Variants in ABCD4 observed in about 807,000 individuals in gnomAD.
The protein encoded by ABCD4 is ATP binding cassette subfamily D member 4, also known as lysosomal cobalamin transporter ABCD4.
In ABCD4, 53 loss-of-function variants were observed where a neutral mutation model predicts 86.3. The ratio of observed to expected loss-of-function variants is 0.61; its 90% confidence interval spans 0.49 to 0.77. The LOEUF is 0.77. Among genes scored for constraint, ABCD4 ranks in the 30% least tolerant of loss-of-function variants. The pLI is 0.00. For missense variants in ABCD4, 757 were observed against 764.5 expected (o/e 0.99, Z 0.12); for synonymous variants, 328 against 313.6 (o/e 1.05, Z -0.49).
rs769704420 is a variant in ABCD4, at chr14:74,290,099, CG to C, written c.1346del (p.Thr449ArgfsTer26). 22 of 1,613,978 alleles carry C rather than the reference CG, an allele frequency of 1.4e-5. No homozygotes were observed. Among genetic ancestry groups the C allele is most frequent in the Non-Finnish European group, 1.9e-5 (22 of 1,180,018 alleles). ...TSTRGSVQMLTDFGPHGVLFL... is the reference protein window; with the variant it reads ...TSTRGSVQMLXDFGPHGVLFL... The stretch of plus-strand genomic sequence containing the variant: ...ATAGCACCCCATGGGGCCCAAAGTC[CG>C]TCAGCATCTGCACTGAGCCTGCAGA... On this transcript the variant is annotated frameshift_variant, in exon 13 of 19. Coordinates refer to ENST00000356924, the MANE Select transcript of ABCD4 (RefSeq NM_005050.4). LOFTEE classifies it high-confidence loss of function.
intron 3 of ABCD4, chr14:74,299,324 T>C: frequency 2.0e-6 from 1 of 494,934 alleles, no homozygotes; most frequent in Non-Finnish European, 3.6e-6. Context: ...CCAGAACCTG[T>C]GGCCTGGGCC....
At chr14:74,296,618 A>C in intron 4 of ABCD4, 169 bp from the exon 5 acceptor site, 3 of 595,984 alleles carry the variant, frequency 5.0e-6, no homozygotes, top group Non-Finnish European at 3.0e-6. Flanking sequence ...GGGCAACTAA[A>C]TCCCAGGGCC....
rs752856909 is a variant in ABCD4 at position 74,296,463 on chromosome 14, C to T, written c.426-14G>A. On this transcript the variant is annotated splice_polypyrimidine_tract_variant and intron_variant, in intron 4 of 18. Transcript: ENST00000356924. ...ATGCGCTGGTCCCTGGAGCCAATGA[C>T]ACAGAGTAGCTGGACCCAGGGAGAT... 4 of 1,613,408 alleles carry T rather than the reference C, an allele frequency of 2.5e-6. No homozygotes were observed. Among genetic ancestry groups the T allele is most frequent in the Non-Finnish European group, 3.4e-6 (4 of 1,179,664 alleles).
chr14:74,298,118 T>C (rs1172744156), intron 3 of ABCD4, 49 bp from the exon 4 acceptor site: 3 of 1,598,758 alleles, frequency 1.9e-6, no homozygotes, highest in Non-Finnish European at 2.6e-6. Flanking sequence ...TTCCTGAAAA[T>C]CTCAGCTCAA....
chr14:74,293,197 AAGG>A lies in ABCD4; in HGVS notation c.768_770del (p.Leu257del), dbSNP rs1175258171. ...TGGACATCAGCTCCCTCTGGGTCTG[AAGG>A]AGTCTCTGCAGCCTGCGGTCTGTCC... On this transcript the variant is annotated inframe_deletion, in exon 8 of 19. Coordinates refer to ENST00000356924, the MANE Select transcript of ABCD4 (RefSeq NM_005050.4). The A allele has an allele frequency of 1.2e-6, 2 of 1,614,040 alleles. No individual in the cohort carries two copies. Among genetic ancestry groups the A allele is most frequent in the African/African-American group, 2.7e-5 (2 of 74,914 alleles).
chr14:74,299,431 G>GGAGGAAACACACCCCCACAGCTT, intron 3 of ABCD4, 117 bp downstream of exon 3: 1 of 1,319,648 alleles, frequency 7.6e-7, no homozygotes, highest in South Asian at 1.4e-5. Flanking sequence ...CCCAGAAAAG[G>GGAGGAAACACACCCCCACAGCTT]GAGGAAACAC....
intron 1 of ABCD4, among the ~76,000 whole-genome samples, chr14:74,302,254 C>T (rs2084797700): frequency 6.6e-6 from 1 of 152,136 alleles, no homozygotes; most frequent in Non-Finnish European, 1.5e-5. Flanking sequence ...GCACACAGCA[C>T]CCCTCATGCA....
intron 7 of ABCD4, chr14:74,294,828 C>T (rs1250440111): frequency 2.8e-6 from 1 of 362,498 alleles, no homozygotes; most frequent in African/African-American, 2.1e-5. Flanking sequence ...TCTTAACAGA[C>T]AGAAGAGCAG....
chr14:74,296,226 G>A (rs1419398274), intron 5 of ABCD4, 107 bp downstream of exon 5: 1 of 1,238,370 alleles, frequency 8.1e-7, no homozygotes, highest in Non-Finnish European at 1.2e-6. Context: ...CACGTGGTAA[G>A]GTACGGTGGG....
chr14:74,286,733 T>A lies in ABCD4; in HGVS notation c.1720A>T (p.Ile574Phe). Residue 574 changes from isoleucine (I) to phenylalanine (F), a missense_variant, in exon 18 of 19, where the codon ATC (isoleucine) becomes TTC (phenylalanine). Coordinates refer to ENST00000356924, the MANE Select transcript of ABCD4 (RefSeq NM_005050.4). Reference protein sequence around the residue: ...RIGQQLGMTFISVGHRQSLEK... With the variant: ...RIGQQLGMTFFSVGHRQSLEK... The stretch of plus-strand genomic sequence containing the variant: ...AGGCTCTGCCGATGTCCCACACTGA[T>A]GAACGTCATCCCCAGCTGCTGGCCG... The A allele has an allele frequency of 1.9e-6, 3 of 1,614,142 alleles. No homozygotes were observed.
In ABCD4 at chr14:74,290,425, G is replaced by A. The variant is rs779680204; in HGVS notation, c.1193C>T (p.Ser398Phe). Residue 398 changes from serine to phenylalanine, a missense_variant, in exon 12 of 19, where the codon TCC becomes TTC. Coordinates refer to ENST00000356924, the MANE Select transcript of ABCD4 (RefSeq NM_005050.4). Reference protein sequence around the residue: ...LLERVSISAPSSDKPLIKDLS... With the variant: ...LLERVSISAPFSDKPLIKDLS... ...ATCCTTGATTAGGGGTTTGTCAGAG[G>A]AGGGGGCAGAGATGGAGACCCGCTC... 37 of 1,614,020 alleles carry A rather than the reference G, an allele frequency of 2.3e-5. No homozygotes were observed. Among genetic ancestry groups the A allele is most frequent in the Non-Finnish European group, 3.1e-5 (36 of 1,180,044 alleles).
intron 15 of ABCD4, 177 bp from the exon 16 acceptor site, chr14:74,288,436 T>C: frequency 1.5e-6 from 1 of 673,164 alleles, no homozygotes; most frequent in South Asian, 1.9e-5. Flanking sequence ...AGAGGAATAT[T>C]CTACCAATGA....
rs763946947 is a variant in ABCD4 at position 74,287,780 on chromosome 14, G to A, written c.1636+30C>T. ...ACACCCGTGAGTGCAGACAGCGCAT[G>A]GCATGTGCAGCCACAAGGCGAGACC... On this transcript the variant is annotated intron_variant, in intron 17 of 18. Transcript: ENST00000356924. 3 of 1,590,430 alleles carry A rather than the reference G, an allele frequency of 1.9e-6. No individual in the cohort carries two copies. The African/African-American group carries it at 4.0e-5, about 21-fold the overall frequency.
At chr14:74,289,885 A>T in intron 13 of ABCD4, 142 bp downstream of exon 13, 1 of 1,498,108 alleles carries the variant, frequency 6.7e-7, no homozygotes, top group Non-Finnish European at 8.9e-7. Context: ...TCTTAGAGCC[A>T]GCAGTTCCCA....
At chr14:74,301,733 T>C (rs1251972721) in intron 1 of ABCD4, among the ~76,000 whole-genome samples, 1 of 151,448 alleles carries the variant, frequency 6.6e-6, no homozygotes. Context: ...CCCCCCATCT[T>C]TGCTAAAAAT....
intron 7 of ABCD4, chr14:74,294,492 G>A (rs1237879707): frequency 1.3e-5 from 2 of 152,178 alleles, no homozygotes; most frequent in Admixed American, 6.5e-5. Context: ...AGGTCCCAGG[G>A]CTATCACATC....
At chr14:74,295,453 T>C (rs1364576813) in intron 6 of ABCD4, among the ~76,000 whole-genome samples, 4 of 152,080 alleles carry the variant, frequency 2.6e-5, no homozygotes, top group African/African-American at 9.7e-5. Flanking sequence ...GCTCACAGCA[T>C]CTCCTCCTCC....
intron 11 of ABCD4, among the ~76,000 whole-genome samples, chr14:74,290,923 T>C (rs1021010961): frequency 1.3e-5 from 2 of 151,918 alleles, no homozygotes; most frequent in Admixed American, 1.3e-4. Context: ...TCTGCCCACC[T>C]CAGCCTCCCA....
In ABCD4 at chr14:74,290,397, C is replaced by T; in HGVS notation, c.1221G>A (p.Leu407=). ...PSSDKPLIKD[L]SLKISEGQSL... ...TCTGTCCCTCGGAGATCTTTAGGCT[C>T]AGATCCTTGATTAGGGGTTTGTCAG... Residue 407 remains leucine (L), a synonymous_variant, in exon 12 of 19, where the codon CTG becomes CTA. Coordinates refer to ENST00000356924, the MANE Select transcript of ABCD4 (RefSeq NM_005050.4). The T allele has an allele frequency of 6.2e-7, 1 of 1,614,104 alleles. No individual in the cohort carries two copies. Among genetic ancestry groups the T allele is most frequent in the South Asian group, 1.1e-5 (1 of 91,072 alleles).
Sources: allele counts gnomAD v4.1 joint callset (sites outside exome capture counted in the v4.1 genomes callset), GRCh38; gene constraint gnomAD v4.1.1; transcripts MANE v1.5; gene names NCBI Gene and HGNC (gene_info 2026-07-23, HGNC 2026-07-21).